The following CADPS2 variants were observed in gnomAD, a reference collection of about 807,000 sequenced individuals.
CADPS2 encodes the protein calcium-dependent secretion activator 2.
Under a neutral mutation model 172.5 loss-of-function variants are expected in CADPS2, and 93 were observed. The observed-to-expected ratio is 0.54, with a 90% confidence interval of 0.46 to 0.64. CADPS2 has a LOEUF of 0.64. Ranked by LOEUF, CADPS2 falls within the 30% of genes least tolerant of loss-of-function variation. The pLI, the probability that CADPS2 is intolerant of heterozygous loss-of-function variation, is 0.00. For missense variants in CADPS2, 1,420 were observed against 1,565.9 expected, an observed-to-expected ratio of 0.91 and a Z score of 1.57; for synonymous variants, 546 against 555.2, an observed-to-expected ratio of 0.98 and a Z score of 0.23.
At chr7:122,708,528 T>G (rs1214860120) in intron 2 of CADPS2, among the ~76,000 whole-genome samples, 2 of 654 alleles carry the variant, frequency 3.1e-3, no homozygotes, top group Non-Finnish European at 6.8e-3. Context: ...GAGATATATA[T>G]ATATATATAT....
intron 9 of CADPS2, among the ~76,000 whole-genome samples, chr7:122,493,658 T>C (rs1655019653): frequency 6.6e-6 from 1 of 151,954 alleles, no homozygotes; most frequent in African/African-American, 2.4e-5. Context: ...ACGTTTTACG[T>C]ACATCACAGT....
intron 6 of CADPS2, among the ~76,000 whole-genome samples, chr7:122,588,519 G>C (rs1164011425): frequency 6.6e-6 from 1 of 151,726 alleles, no homozygotes; most frequent in African/African-American, 2.4e-5. Context: ...TCCAACTCTA[G>C]TTAAATTATC....
chr7:122,668,087 T>C (rs1265204202), intron 2 of CADPS2, among the ~76,000 whole-genome samples: 1 of 152,054 alleles, frequency 6.6e-6, no homozygotes, highest in Non-Finnish European at 1.5e-5. Flanking sequence ...GGGACATCAG[T>C]TATCACATGA....
intron 1 of CADPS2, among the ~76,000 whole-genome samples, chr7:122,837,191 C>T (rs1171653102): frequency 5.9e-5 from 9 of 152,074 alleles, no homozygotes; most frequent in African/African-American, 1.4e-4. Context: ...GGGTACATAA[C>T]GAAATGAAGG....
rs531782352 is a variant in CADPS2, at chr7:122,352,388, G to T, written c.3505-6707C>A. Among the ~76,000 whole-genome samples the T allele has an allele frequency of 3.9e-4, 60 of 152,300 alleles. No homozygotes were observed. In the South Asian group the frequency reaches 0.012, roughly 31 times the overall value. On this transcript the variant is annotated intron_variant, in intron 27 of 29. Coordinates refer to ENST00000449022, the MANE Select transcript of CADPS2 (RefSeq NM_017954.11). ...TTAAAGTTTAGATGGACTGGGATGG[G>T]TTTACTCAGCTCAATTTGGAATGAT...
chr7:122,452,201 G>C (rs2053205004), intron 14 of CADPS2, among the ~76,000 whole-genome samples: 1 of 152,078 alleles, frequency 6.6e-6, no homozygotes, highest in African/African-American at 2.4e-5. Context: ...AATTTATTCT[G>C]TATCAATTTA....
At chr7:122,541,941 A>G (rs910174112) in intron 8 of CADPS2, among the ~76,000 whole-genome samples, 2 of 146,204 alleles carry the variant, frequency 1.4e-5, no homozygotes, top group African/African-American at 2.6e-5. Context: ...CAACAGAAGA[A>G]TATCTAAAAG....
At chr7:122,759,464 T>C (rs899930209) in intron 1 of CADPS2, among the ~76,000 whole-genome samples, 3 of 152,308 alleles carry the variant, frequency 2.0e-5, no homozygotes, top group East Asian at 1.9e-4. Context: ...TAGAAAACAA[T>C]TGCCAGCTTT....
At chr7:122,519,092 G>A (rs369989638) in intron 8 of CADPS2, among the ~76,000 whole-genome samples, 3 of 152,018 alleles carry the variant, frequency 2.0e-5, no homozygotes, top group African/African-American at 7.2e-5. Flanking sequence ...CCTGGGTTGG[G>A]GCGGGGGAGG....
At chr7:122,437,053 T>C (rs1355915990) in intron 17 of CADPS2, among the ~76,000 whole-genome samples, 1 of 152,104 alleles carries the variant, frequency 6.6e-6, no homozygotes, top group Non-Finnish European at 1.5e-5. Context: ...CTTTAATATG[T>C]CTATTTTAAT....
At chr7:122,406,008 C>T (rs752292449) in intron 20 of CADPS2, among the ~76,000 whole-genome samples, 4 of 152,152 alleles carry the variant, frequency 2.6e-5, no homozygotes, top group African/African-American at 4.8e-5. Context: ...TAGTAAGTGA[C>T]AGAGAGACGT....
At position 122,649,898 on chromosome 7, in the gene CADPS2, A is replaced by ATTTTTTTTTTTTTTTTTTTTTTTTTTTTT. The variant is rs71531909; in HGVS notation, c.786+13310_786+13338dup. ...TGACATTTTTCTTAAGTATTCAATG[A>ATTTTTTTTTTTTTTTTTTTTTTTTTTTTT]TTTTTTTTTTTTTTTTTTTTTTTTT... On this transcript the variant is annotated intron_variant, in intron 3 of 29. Coordinates refer to ENST00000449022, the MANE Select transcript of CADPS2 (RefSeq NM_017954.11). Among the ~76,000 whole-genome samples the ATTTTTTTTTTTTTTTTTTTTTTTTTTTTT allele has an allele frequency of 7.7e-5, 4 of 52,020 alleles. 1 individual carries two copies. Among genetic ancestry groups the ATTTTTTTTTTTTTTTTTTTTTTTTTTTTT allele is most frequent in the African/African-American group, 8.0e-5 (1 of 12,546 alleles). 34.1% of individuals were successfully genotyped at this position (52,020 alleles called of 152,430 possible). A position where few individuals can be genotyped will look rare whatever the true frequency, so the allele number is the denominator to read the frequency against.
intron 1 of CADPS2, among the ~76,000 whole-genome samples, chr7:122,773,740 C>T (rs955511848): frequency 2.0e-5 from 3 of 151,996 alleles, no homozygotes; most frequent in Non-Finnish European, 2.9e-5. Context: ...TTTTTAAAAC[C>T]TTCTTTTCTA....
chr7:122,465,947 G>A (rs1586317268), intron 14 of CADPS2, among the ~76,000 whole-genome samples: 1 of 152,244 alleles, frequency 6.6e-6, no homozygotes, highest in East Asian at 1.9e-4. Flanking sequence ...TAACACCTAT[G>A]TACATATAGA....
At chr7:122,464,936 T>C (rs573312806) in intron 14 of CADPS2, among the ~76,000 whole-genome samples, 50 of 152,312 alleles carry the variant, frequency 3.3e-4, no homozygotes, top group African/African-American at 1.2e-3. Context: ...TTGACAAATG[T>C]ATGACAATAA....
intron 6 of CADPS2, among the ~76,000 whole-genome samples, chr7:122,602,410 A>G (rs2072921436): frequency 6.6e-6 from 1 of 152,106 alleles, no homozygotes. Context: ...AAGCTAAAAA[A>G]TGAACATCTT....
intron 4 of CADPS2, 92 bp downstream of exon 4, chr7:122,629,153 CTTT>C: frequency 1.3e-6 from 1 of 788,480 alleles, no homozygotes; most frequent in Non-Finnish European, 1.9e-6. Flanking sequence ...TATGCTGGCT[CTTT>C]TTTTTTTAAC....
chr7:122,335,131 T>C (rs1364345767), intron 28 of CADPS2, among the ~76,000 whole-genome samples: 1 of 152,244 alleles, frequency 6.6e-6, no homozygotes, highest in Non-Finnish European at 1.5e-5. Context: ...AGTAATTGAA[T>C]GAGTTTGTTT....
intron 2 of CADPS2, among the ~76,000 whole-genome samples, chr7:122,664,478 G>A (rs2080968153): frequency 6.6e-6 from 1 of 152,176 alleles, no homozygotes; most frequent in South Asian, 2.1e-4. Flanking sequence ...GAGACAGGTA[G>A]CAAGGGTTGG....
Sources: gnomAD v4.1 joint callset for allele counts (sites outside exome capture counted in the v4.1 genomes callset) on GRCh38, gnomAD v4.1.1 for gene constraint, MANE v1.5 for transcripts, NCBI Gene and HGNC (gene_info 2026-07-23, HGNC 2026-07-21) for gene names.